Variants in CD2 observed in about 807,000 individuals in gnomAD.
CD2 encodes the protein T-cell surface antigen CD2.
CD2 carries 18 observed loss-of-function variants against 23.2 expected under a neutral mutation model. That is an observed-to-expected ratio of 0.77 (90% CI 0.54 to 1.15). The LOEUF is 1.15. CD2 is among the 50% of genes most tolerant of loss of function. The probability of loss-of-function intolerance (pLI) is 0.00; values close to 1 mark genes in which losing one functional copy is unlikely to be tolerated. For synonymous variants in CD2, 162 were observed against 151.9 expected, an observed-to-expected ratio of 1.07 and a Z score of -0.49; for missense variants, 424 against 423.1, an observed-to-expected ratio of 1.00 and a Z score of -0.02.
chr1:116,764,011 C>T (rs1425004806), intron 3 of CD2, among the ~76,000 whole-genome samples: 1 of 151,880 alleles, frequency 6.6e-6, no homozygotes, highest in Non-Finnish European at 1.5e-5. Context: ...GTGGGGGTAG[C>T]CAGAGACGAG....
At position 116,756,880 on chromosome 1, in the gene CD2, G is replaced by A. The variant is rs1385703956; in HGVS notation, c.382+1929G>A. ...TCTGCTTTTCCAATGACAACTTCAA[G>A]GGATATTCAGTGAGACAAGGTGTGT... is the stretch of plus-strand genomic sequence containing the variant. On this transcript the variant is annotated intron_variant, in intron 2 of 4. Transcript: ENST00000369478. Among the ~76,000 whole-genome samples, 3 of 152,096 alleles carry A rather than the reference G, an allele frequency of 2.0e-5. No individual in the cohort carries two copies. The East Asian group carries it at 5.8e-4, about 29-fold the overall frequency.
At chr1:116,765,844 A>C (rs1172590792) in intron 4 of CD2, among the ~76,000 whole-genome samples, 1 of 152,250 alleles carries the variant, frequency 6.6e-6, no homozygotes, top group Non-Finnish European at 1.5e-5. Flanking sequence ...GAGAAGAATG[A>C]TGGTTAGCTC....
intron 2 of CD2, among the ~76,000 whole-genome samples, chr1:116,756,104 TCCCAGACA>T (rs1329744474): frequency 6.6e-6 from 1 of 152,092 alleles, no homozygotes; most frequent in African/African-American, 2.4e-5. Flanking sequence ...ACTCCAGCAA[TCCCAGACA>T]CTGTCAGCTC....
At position 116,768,695 on chromosome 1, in the gene CD2, A is replaced by G. The variant is rs755975526; in HGVS notation, c.968A>G (p.Gln323Arg). 2.5e-5 allele frequency: 40 copies of G among 1,614,062 alleles called. No individual in the cohort carries two copies. The highest frequency in any genetic ancestry group is 3.1e-5 in the Non-Finnish European group (36 of 1,180,052). Residue 323 changes from glutamine to arginine, a missense_variant, in exon 5 of 5, where the codon CAG becomes CGG. Gln to Arg is a conservative substitution (Grantham distance 43, BLOSUM62 1). Coordinates refer to ENST00000369478, the MANE Select transcript of CD2 (RefSeq NM_001767.5). ...PAPSGTQVHQ[Q>R]KGPPLPRPRV... ...CCGTCGGGCACACAAGTTCACCAGC[A>G]GAAAGGCCCGCCCCTCCCCAGACCT... is the stretch of plus-strand genomic sequence containing the variant.
intron 2 of CD2, among the ~76,000 whole-genome samples, chr1:116,759,987 A>G (rs942584779): frequency 1.3e-5 from 2 of 152,008 alleles, no homozygotes; most frequent in African/African-American, 4.8e-5. Flanking sequence ...GCACTTTCTT[A>G]CCCATACTCC....
In CD2 at chr1:116,759,805, C is replaced by T. The variant is rs545787002; in HGVS notation, c.383-597C>T. Among the ~76,000 whole-genome samples the T allele has an allele frequency of 5.3e-5, 8 of 152,272 alleles. No homozygotes were observed. The South Asian group carries it at 1.5e-3, about 28-fold the overall frequency. ...AGGCAGGTGCTCTTTTTCCCTAGAG[C>T]TTTGAGCTCCTTGGACACCCACACA... On this transcript the variant is annotated intron_variant, in intron 2 of 4. Coordinates refer to ENST00000369478, the MANE Select transcript of CD2 (RefSeq NM_001767.5).
At chr1:116,758,512 A>T (rs1651933818) in intron 2 of CD2, among the ~76,000 whole-genome samples, 1 of 152,122 alleles carries the variant, frequency 6.6e-6, no homozygotes, top group Non-Finnish European at 1.5e-5. Context: ...CCCTGAAGTG[A>T]CAACTTTCCA....
At chr1:116,760,730 C>A in intron 3 of CD2, 98 bp downstream of exon 3, 1 of 904,436 alleles carries the variant, frequency 1.1e-6, no homozygotes, top group Non-Finnish European at 1.8e-6. Flanking sequence ...TGGGAGGCAG[C>A]CCTGGCTCAG....
chr1:116,760,404 AGG>A lies in CD2; in HGVS notation c.387_388del (p.Arg129SerfsTer18). ...EKIFDLKIQE[R>X]VSKPKISWTC... is the part of the protein sequence containing the mutation. ...CTGAATCTTTACTTTCTTTTTAGAG[AGG>A]GTCTCAAAACCAAAGATCTCCTGGA... On this transcript the variant is annotated frameshift_variant, in exon 3 of 5. Transcript: ENST00000369478. LOFTEE classifies it high-confidence loss of function. The A allele has an allele frequency of 6.2e-7, 1 of 1,612,034 alleles. No homozygotes were observed. Among genetic ancestry groups the A allele is most frequent in the Non-Finnish European group, 8.5e-7 (1 of 1,178,594 alleles).
At chr1:116,764,933 G>T (rs1416053984) in intron 4 of CD2, among the ~76,000 whole-genome samples, 1 of 152,190 alleles carries the variant, frequency 6.6e-6, no homozygotes, top group East Asian at 1.9e-4. Context: ...AGAAAGGTTA[G>T]CTCCAAAACA....
intron 2 of CD2, 117 bp from the exon 3 acceptor site, chr1:116,760,285 G>C: frequency 1.4e-6 from 1 of 706,186 alleles, no homozygotes; most frequent in Non-Finnish European, 2.4e-6. Flanking sequence ...AGTTGCTAGA[G>C]GTCTTTGACA....
intron 2 of CD2, 140 bp from the exon 3 acceptor site, chr1:116,760,262 A>G (rs2101160839): frequency 1.6e-6 from 1 of 638,688 alleles, no homozygotes; most frequent in East Asian, 2.8e-5. Flanking sequence ...AATAAAATAA[A>G]ATAATTTCCA....
chr1:116,755,158 G>A (rs1294797465), intron 2 of CD2: 2 of 584,590 alleles, frequency 3.4e-6, no homozygotes, highest in Non-Finnish European at 6.1e-6. Context: ...AAGTCTACCT[G>A]CCTACAACTC....
intron 4 of CD2, 123 bp downstream of exon 4, chr1:116,764,729 G>C (rs1358975387): frequency 2.6e-6 from 2 of 756,792 alleles, no homozygotes; most frequent in Non-Finnish European, 4.5e-6. Flanking sequence ...GAATGTCAGG[G>C]TTGTAGTCAG....
chr1:116,759,623 G>A (rs186364179), intron 2 of CD2, among the ~76,000 whole-genome samples: 42 of 152,276 alleles, frequency 2.8e-4, no homozygotes, highest in African/African-American at 4.6e-4. Flanking sequence ...AGTGCCTAAC[G>A]ATCTGCCCAG....
chr1:116,756,521 CAA>C (rs997539369), intron 2 of CD2, among the ~76,000 whole-genome samples: 10 of 152,064 alleles, frequency 6.6e-5, no homozygotes, highest in African/African-American at 2.4e-4. Flanking sequence ...TTGACAGGAG[CAA>C]AGTCAGGATT....
Position 116,768,603 on chromosome 1 carries a change from A to G in CD2, c.876A>G (p.Ala292=), listed in dbSNP as rs765512102. 3 of 1,613,966 alleles carry G rather than the reference A, an allele frequency of 1.9e-6. No homozygotes were observed. In the East Asian group the frequency reaches 6.7e-5, roughly 36 times the overall value. ...CACCACCTGGTCATCGTTCCCAGGC[A>G]CCTAGTCATCGTCCCCCGCCTCCTG... The part of the protein sequence containing the change: ...PPPPPGHRSQ[A]PSHRPPPPGH... The change falls in exon 5 of 5, where the codon GCA becomes GCG. Residue 292 remains alanine (A), a synonymous_variant. Transcript: ENST00000369478.
intron 4 of CD2, among the ~76,000 whole-genome samples, chr1:116,767,364 C>T (rs1305281615): frequency 6.6e-6 from 1 of 152,072 alleles, no homozygotes; most frequent in Non-Finnish European, 1.5e-5. Context: ...GAGGCCAAGG[C>T]AGGCAGATCA....
chr1:116,760,659 C>A, intron 3 of CD2, 27 bp downstream of exon 3: 1 of 1,565,934 alleles, frequency 6.4e-7, no homozygotes, highest in Non-Finnish European at 8.8e-7. Flanking sequence ...ACTTCACAAA[C>A]ACAGCCTGCC....
Sources: gnomAD v4.1 joint callset for allele counts (sites outside exome capture counted in the v4.1 genomes callset) on GRCh38, gnomAD v4.1.1 for gene constraint, MANE v1.5 for transcripts, NCBI Gene and HGNC (gene_info 2026-07-23, HGNC 2026-07-21) for gene names.